Variants in SAMMSON observed in about 807,000 individuals in gnomAD.
The protein encoded by SAMMSON is survival associated mitochondrial melanoma specific oncogenic non-coding RNA, also known as long intergenic non-protein coding RNA 1212.
intron 4 of SAMMSON, chr3:70,183,464 G>A (rs796377068): frequency 1.3e-5 from 2 of 152,086 alleles, no homozygotes; most frequent in Non-Finnish European, 2.9e-5. Flanking sequence ...TTGAATATGC[G>A]ACTGAACCTC....
At chr3:70,399,924 T>TAC (rs1701125824) in intron 2 of SAMMSON, among the ~76,000 whole-genome samples, 26 of 151,954 alleles carry the variant, frequency 1.7e-4, no homozygotes, top group African/African-American at 5.8e-4. Flanking sequence ...AAAAATACTT[T>TAC]TGTGTATATC....
At chr3:70,226,735 C>G (rs1489493065) in intron 4 of SAMMSON, among the ~76,000 whole-genome samples, 2 of 95,628 alleles carry the variant, frequency 2.1e-5, no homozygotes, top group Admixed American at 1.1e-4. Context: ...GAGACTCTGT[C>G]TTAAAAAAAA....
At chr3:70,336,153 C>T (rs985028972) in intron 7 of SAMMSON, among the ~76,000 whole-genome samples, 2 of 151,958 alleles carry the variant, frequency 1.3e-5, no homozygotes, top group Non-Finnish European at 2.9e-5. Context: ...TAGACATCTC[C>T]TAAGCTTGCA....
At chr3:70,185,098 A>G (rs1232258460) in intron 4 of SAMMSON, among the ~76,000 whole-genome samples, 1 of 152,112 alleles carries the variant, frequency 6.6e-6, no homozygotes, top group Non-Finnish European at 1.5e-5. Flanking sequence ...CAACATATCC[A>G]TGTGTTTTTG....
At chr3:70,173,405 ATTTC>A (rs1700978319) in intron 4 of SAMMSON, among the ~76,000 whole-genome samples, 1 of 151,972 alleles carries the variant, frequency 6.6e-6, no homozygotes, top group African/African-American at 2.4e-5. Context: ...GCTTTTGGAT[ATTTC>A]AAATAATGAT....
At position 70,380,698 on chromosome 3, in the gene SAMMSON, C is replaced by G. The variant is rs370380628; in HGVS notation, n.914-8876C>G. ...CTAATGCTATCCCTCCCCTCTCCCC[C>G]CTACCCCACAACAGGCCCCAGTGTG... On this transcript the variant is annotated intron_variant and non_coding_transcript_variant, in intron 9 of 9. Transcript: ENST00000642114. Among the ~76,000 whole-genome samples, 28 of 152,194 alleles carry G rather than the reference C, an allele frequency of 1.8e-4. 1 individual carries two copies. Among genetic ancestry groups the G allele is most frequent in the South Asian group, 1.2e-3 (6 of 4,816 alleles).
chr3:70,252,557 T>TA (rs1701779528), intron 6 of SAMMSON, among the ~76,000 whole-genome samples: 1 of 152,136 alleles, frequency 6.6e-6, no homozygotes, highest in African/African-American at 2.4e-5. Context: ...GCAAACAATA[T>TA]AAATCAATAA....
chr3:70,254,199 T>C (rs1389902040), intron 6 of SAMMSON, among the ~76,000 whole-genome samples: 1 of 152,152 alleles, frequency 6.6e-6, no homozygotes, highest in African/African-American at 2.4e-5. Context: ...TTAGTGTCAA[T>C]TGCATGATTT....
At chr3:70,143,437 A>T (rs969651676) in intron 4 of SAMMSON, among the ~76,000 whole-genome samples, 1 of 151,958 alleles carries the variant, frequency 6.6e-6, no homozygotes, top group African/African-American at 2.4e-5. Context: ...CCCAATAAGA[A>T]TTTTGTTTTT....
intron 3 of SAMMSON, among the ~76,000 whole-genome samples, chr3:70,021,444 A>G (rs532947479): frequency 6.6e-6 from 1 of 152,338 alleles, no homozygotes; most frequent in Non-Finnish European, 1.5e-5. Flanking sequence ...ATCCACTTAT[A>G]AAATAAAACA....
chr3:70,194,242 T>C (rs990534351), intron 4 of SAMMSON, among the ~76,000 whole-genome samples: 3 of 152,202 alleles, frequency 2.0e-5, no homozygotes. Flanking sequence ...TATAAGAGTG[T>C]GCTTCCTTAA....
At chr3:70,082,858 A>T (rs2067271883) in intron 4 of SAMMSON, among the ~76,000 whole-genome samples, 1 of 152,202 alleles carries the variant, frequency 6.6e-6, no homozygotes, top group South Asian at 2.1e-4. Flanking sequence ...GCCCCATGAG[A>T]TAGATGTGGT....
chr3:70,425,967 A>T (rs1167681578), intron 2 of SAMMSON, among the ~76,000 whole-genome samples: 2 of 152,202 alleles, frequency 1.3e-5, no homozygotes, highest in Admixed American at 1.3e-4. Context: ...ATAGTGTCAG[A>T]AACCTATGTC....
intron 4 of SAMMSON, among the ~76,000 whole-genome samples, chr3:70,094,218 G>A (rs1240710772): frequency 3.3e-5 from 5 of 151,882 alleles, no homozygotes; most frequent in Middle Eastern, 3.4e-3. Context: ...CATCCCTATC[G>A]GCTCCACTGT....
intron 4 of SAMMSON, among the ~76,000 whole-genome samples, chr3:70,165,046 A>G (rs1019467713): frequency 2.6e-5 from 4 of 152,038 alleles, no homozygotes; most frequent in African/African-American, 9.7e-5. Flanking sequence ...TTTTCAAGAG[A>G]TGTTCTACTA....
chr3:70,128,498 A>G (rs1020890946), intron 4 of SAMMSON, among the ~76,000 whole-genome samples: 2 of 152,212 alleles, frequency 1.3e-5, no homozygotes, highest in African/African-American at 4.8e-5. Context: ...TTCATATTTT[A>G]AAAGGTAGCC....
intron 6 of SAMMSON, among the ~76,000 whole-genome samples, chr3:70,275,774 G>A (rs146648961): frequency 1.3e-5 from 2 of 152,244 alleles, no homozygotes; most frequent in Admixed American, 1.3e-4. Context: ...GAAGTTTATA[G>A]CATATAATAA....
At chr3:70,415,690 T>C (rs1292313064) in intron 2 of SAMMSON, among the ~76,000 whole-genome samples, 1 of 152,200 alleles carries the variant, frequency 6.6e-6, no homozygotes, top group African/African-American at 2.4e-5. Flanking sequence ...TTCTTTAGCC[T>C]TGAAAAATTT....
chr3:70,067,265 CT>C (rs1213016323), intron 3 of SAMMSON, among the ~76,000 whole-genome samples: 3 of 151,992 alleles, frequency 2.0e-5, no homozygotes, highest in Non-Finnish European at 4.4e-5. Flanking sequence ...TAAAAGAACA[CT>C]TTTAACTGTA....
Sources: gnomAD v4.1 joint callset for allele counts (sites outside exome capture counted in the v4.1 genomes callset) on GRCh38, gnomAD v4.1.1 for gene constraint, MANE v1.5 for transcripts, NCBI Gene and HGNC (gene_info 2026-07-23, HGNC 2026-07-21) for gene names.